The following ACOT7 variants were observed in gnomAD, a reference collection of about 807,000 sequenced individuals.
ACOT7 encodes cytosolic acyl coenzyme A thioester hydrolase.
Under a neutral mutation model 40.2 loss-of-function variants are expected in ACOT7, and 12 were observed. That is an observed-to-expected ratio of 0.30 (90% confidence interval 0.19 to 0.48). The LOEUF (loss-of-function observed/expected upper bound fraction) is 0.48. ACOT7 is among the 20% of genes least tolerant of loss of function. ACOT7 has a pLI of 0.99. For synonymous variants in ACOT7, 228 were observed against 219.5 expected (o/e 1.04, Z -0.34); for missense variants, 395 against 530.8 (o/e 0.74, Z 2.51).
At chr1:6,341,164 T>C (rs1341006083) in intron 2 of ACOT7, among the ~76,000 whole-genome samples, 1 of 151,794 alleles carries the variant, frequency 6.6e-6, no homozygotes, top group Non-Finnish European at 1.5e-5. Context: ...TTTTTTGAGA[T>C]GGAGTCTCAC....
At chr1:6,338,000 CAAAAAAA>C (rs769360339) in intron 3 of ACOT7, among the ~76,000 whole-genome samples, 2,586 of 71,814 alleles carry the variant, frequency 0.036, 81 homozygotes, top group African/African-American at 0.1. Context: ...GACACCATCT[CAAAAAAA>C]AAAAAAAAAA....
chr1:6,372,554 C>CTTTGTTTTTTTTTT (rs1642151280), intron 1 of ACOT7, among the ~76,000 whole-genome samples: 1 of 128,608 alleles, frequency 7.8e-6, no homozygotes, highest in African/African-American at 3.0e-5. Flanking sequence ...TAACTTTTGG[C>CTTTGTTTTTTTTTT]TTTTTTTTTT....
Position 6,289,108 on chromosome 1 carries a change from AT to A in ACOT7, c.829+5755del, listed in dbSNP as rs947776556. ...CACTGTTTTCTGGTTATTTTATTTT[AT>A]TTTTTTTTGAGACGGAGTCTCGCTC... On this transcript the variant is annotated intron_variant, in intron 7 of 8. Coordinates refer to ENST00000361521, the MANE Select transcript of ACOT7 (RefSeq NM_007274.4). The surrounding 1 kb of genome is among the most constrained non-coding windows in gnomAD (Gnocchi z 4.6). Among the ~76,000 whole-genome samples the A allele has an allele frequency of 1.3e-5, 2 of 150,998 alleles. No individual in the cohort carries two copies. Among genetic ancestry groups the A allele is most frequent in the Admixed American group, 6.6e-5 (1 of 15,156 alleles).
intron 1 of ACOT7, among the ~76,000 whole-genome samples, chr1:6,365,090 G>A (rs944334589): frequency 6.6e-6 from 1 of 152,090 alleles, no homozygotes; most frequent in Non-Finnish European, 1.5e-5. Flanking sequence ...CCAAGTAATC[G>A]TGCTGAGCAA....
intron 3 of ACOT7, among the ~76,000 whole-genome samples, chr1:6,339,148 G>A (rs762846947): frequency 6.6e-6 from 1 of 151,840 alleles, no homozygotes. Context: ...AGCTGGCCAC[G>A]GGCAGCAGGA....
At chr1:6,297,701 T>G (rs1189393190) in intron 6 of ACOT7, among the ~76,000 whole-genome samples, 4 of 152,030 alleles carry the variant, frequency 2.6e-5, no homozygotes, top group African/African-American at 9.7e-5. Flanking sequence ...GACTTATAAG[T>G]GTGTTTGGGA....
In ACOT7 at chr1:6,299,933, G is replaced by A. The variant is rs1225993435; in HGVS notation, c.713-4953C>T. On this transcript the variant is annotated intron_variant, in intron 6 of 8. Transcript: ENST00000361521. This position sits in a 1 kb window ranked among gnomAD's most constrained non-coding sequence, Gnocchi z 4.1. ...AACAGAAGCTCTGTCAGCCTCCAAT[G>A]GGGGCCAGGACCAGCTGCATTTGCC... 6.6e-6 allele frequency among the ~76,000 whole-genome samples: 1 copy of A among 152,174 alleles called. No individual in the cohort carries two copies. Among genetic ancestry groups the A allele is most frequent in the East Asian group, 1.9e-4 (1 of 5,196 alleles).
chr1:6,324,522 T>A (rs1640746063), intron 5 of ACOT7, among the ~76,000 whole-genome samples: 1 of 152,054 alleles, frequency 6.6e-6, no homozygotes, highest in Non-Finnish European at 1.5e-5. Context: ...CTTGAGTAAT[T>A]TTAGTGTCCC....
At position 6,282,875 on chromosome 1, in the gene ACOT7, C is replaced by A. The variant is rs1243341362; in HGVS notation, c.830-1589G>T. ...GGAGGAGGGCAGGCCATGGGTCAGG[C>A]CCCAGCTAAGGAGCTAGAAGTTTCA... On this transcript the variant is annotated intron_variant, in intron 7 of 8. Coordinates refer to ENST00000361521, the MANE Select transcript of ACOT7 (RefSeq NM_007274.4). This position sits in a 1 kb window ranked among gnomAD's most constrained non-coding sequence, Gnocchi z 4.5. 5.6e-6 allele frequency: 6 copies of A among 1,064,124 alleles called. No individual in the cohort carries two copies. The highest frequency in any genetic ancestry group is 1.6e-5 in the African/African-American group (1 of 60,900). 65.9% of individuals were successfully genotyped at this position (1,064,124 alleles called of 1,614,324 possible). A position where few individuals can be genotyped will look rare whatever the true frequency, so the allele number is the denominator to read the frequency against.
At chr1:6,291,308 G>A (rs891068797) in intron 7 of ACOT7, among the ~76,000 whole-genome samples, 1 of 152,012 alleles carries the variant, frequency 6.6e-6, no homozygotes, top group African/African-American at 2.4e-5. Flanking sequence ...GAAGAGGAGA[G>A]ACACACAGAG....
intron 1 of ACOT7, among the ~76,000 whole-genome samples, chr1:6,370,879 C>T (rs112771676): frequency 2.6e-5 from 4 of 151,772 alleles, no homozygotes; most frequent in East Asian, 1.9e-4. Context: ...GGTGCGATCT[C>T]GGCTCACTGC....
chr1:6,332,926 C>T (rs992207384), intron 4 of ACOT7, among the ~76,000 whole-genome samples: 2 of 152,060 alleles, frequency 1.3e-5, no homozygotes, highest in Non-Finnish European at 2.9e-5. Context: ...GGAGACAGAC[C>T]CCAGCAGGGG....
At chr1:6,361,275 C>T (rs1164109415) in intron 1 of ACOT7, among the ~76,000 whole-genome samples, 1 of 152,112 alleles carries the variant, frequency 6.6e-6, no homozygotes, top group Non-Finnish European at 1.5e-5. Flanking sequence ...ATGTCCACAA[C>T]AGGCAGATCT....
chr1:6,291,756 C>T (rs1445994398), intron 7 of ACOT7, among the ~76,000 whole-genome samples: 1 of 152,162 alleles, frequency 6.6e-6, no homozygotes, highest in Non-Finnish European at 1.5e-5. Context: ...GGGTGTACAG[C>T]GGCCCCAGCA....
chr1:6,385,572 C>T lies in ACOT7; in HGVS notation c.143+7685G>A, dbSNP rs371732190. On this transcript the variant is annotated intron_variant, in intron 1 of 8. Coordinates refer to ENST00000361521, the MANE Select transcript of ACOT7 (RefSeq NM_007274.4). ...CTGGACGGGAGCGCAGCACCCTCGC[C>T]GGGGCCCCACACATCCCTGGCCAGC... The T allele has an allele frequency of 4.9e-5, 79 of 1,612,152 alleles. No individual in the cohort carries two copies. The highest frequency in any genetic ancestry group is 3.3e-4 in the Middle Eastern group (2 of 6,060).
intron 4 of ACOT7, among the ~76,000 whole-genome samples, chr1:6,327,788 G>T (rs112739387): frequency 0.098 from 14,824 of 151,986 alleles, 1,854 homozygotes; most frequent in African/African-American, 0.29. Context: ...TCTTTTCTTT[G>T]TTTTTGAGAT....
At position 6,294,831 on chromosome 1, in the gene ACOT7, T is replaced by C. The variant is rs773999418; in HGVS notation, c.829+33A>G. The C allele has an allele frequency of 1.3e-6, 2 of 1,581,906 alleles. No individual in the cohort carries two copies. The highest frequency in any genetic ancestry group is 8.7e-7 in the Non-Finnish European group (1 of 1,151,526). On this transcript the variant is annotated intron_variant, in intron 7 of 8. Transcript: ENST00000361521. This position sits in a 1 kb window ranked among gnomAD's most constrained non-coding sequence, Gnocchi z 4.6. The stretch of plus-strand genomic sequence containing the variant: ...AGGGACCCAAGCAGCCGAGGGCCAC[T>C]GCCTCCCTCGTCTTTGCCAGAAGAG...
chr1:6,286,337 G>A (rs1055834672), intron 7 of ACOT7, among the ~76,000 whole-genome samples: 2 of 152,202 alleles, frequency 1.3e-5, no homozygotes, highest in Non-Finnish European at 2.9e-5. Context: ...CGGCCAGAAG[G>A]GGAGCGCCTG....
chr1:6,276,444 G>A (rs1226345152), intron 8 of ACOT7, among the ~76,000 whole-genome samples: 1 of 152,074 alleles, frequency 6.6e-6, no homozygotes, highest in Non-Finnish European at 1.5e-5. Context: ...GGGAAGTGCT[G>A]GCAGCTGCCC....
Sources: allele counts gnomAD v4.1 joint callset (sites outside exome capture counted in the v4.1 genomes callset), GRCh38; gene constraint gnomAD v4.1.1; non-coding constraint Gnocchi (gnomAD v3.1); transcripts MANE v1.5; gene names NCBI Gene and HGNC (gene_info 2026-07-23, HGNC 2026-07-21).